GSN: variants seen among roughly 807,000 people sequenced by gnomAD.
The protein encoded by GSN is gelsolin, also known as actin-depolymerizing factor.
In GSN, 56 loss-of-function variants were observed where a neutral mutation model predicts 85.7. The ratio of observed to expected loss-of-function variants is 0.65; its 90% CI spans 0.53 to 0.82. The LOEUF (loss-of-function observed/expected upper bound fraction) is 0.82, where lower values mean the gene tolerates loss of function less well. Ranked by LOEUF, GSN falls within the 40% of genes least tolerant of loss-of-function variation. The pLI is 0.00. For missense variants in GSN, 857 were observed against 979.8 expected (o/e 0.87, Z 1.67); for synonymous variants, 373 against 399.1 (o/e 0.93, Z 0.78).
At chr9:121,230,356 A>G (rs1234893868) in intron 4 of GSN, among the ~76,000 whole-genome samples, 1 of 152,246 alleles carries the variant, frequency 6.6e-6, no homozygotes, top group East Asian at 1.9e-4. Flanking sequence ...CTGGAAGGCC[A>G]GACAATCCTA....
At chr9:121,218,560 GGGAGGC>G in intron 4 of GSN, among the ~76,000 whole-genome samples, 1 of 152,312 alleles carries the variant, frequency 6.6e-6, no homozygotes, top group East Asian at 1.9e-4. Flanking sequence ...ACTTGAACTC[GGGAGGC>G]GGAGGTTGCA....
intron 4 of GSN, among the ~76,000 whole-genome samples, chr9:121,219,644 A>G (rs375766620): frequency 6.7e-4 from 102 of 152,274 alleles, no homozygotes; most frequent in African/African-American, 2.2e-3. Context: ...GGACCTCATT[A>G]TATGCTCATT....
At chr9:121,231,174 T>C (rs1253830229) in exon 5 of GSN, 7 of 152,148 alleles carry the variant, frequency 4.6e-5, no homozygotes, top group Admixed American at 2.6e-4. Flanking sequence ...GGTCACACTG[T>C]TTAGAAGGAG....
rs1170025009 is a variant in GSN at position 121,286,547 on chromosome 9, G to A, written c.-10+4985G>A. 1.2e-5 allele frequency: 17 copies of A among 1,426,124 alleles called. No homozygotes were observed. In the Admixed American group the frequency reaches 4.6e-4, roughly 39 times the overall value. 88.3% of individuals were successfully genotyped at this position (1,426,124 alleles called of 1,614,324 possible). ...TTATCCTCCAAGGCTCTGCCCCAAT[G>A]CCCCTCCTCCGTGGCTCTGTTGGGC... On this transcript the variant is annotated intron_variant, in intron 2 of 17. Coordinates refer to ENST00000432226, the MANE Select transcript of GSN (RefSeq NM_198252.3).
intron 4 of GSN, among the ~76,000 whole-genome samples, chr9:121,213,143 G>A (rs887708641): frequency 3.9e-5 from 6 of 152,074 alleles, no homozygotes; most frequent in African/African-American, 1.4e-4. Context: ...CTCGATACCC[G>A]GCCTAAGTAT....
chr9:121,298,941 T>C (rs1201600344), intron 2 of GSN, among the ~76,000 whole-genome samples: 1 of 152,156 alleles, frequency 6.6e-6, no homozygotes, highest in Non-Finnish European at 1.5e-5. Flanking sequence ...GCAAACTCTG[T>C]CTTCCCCCAG....
chr9:121,282,619 C>T (rs1293061543), intron 2 of GSN: 19 of 824,302 alleles, frequency 2.3e-5, no homozygotes, highest in Admixed American at 8.2e-5. Flanking sequence ...AAAGGTCTGC[C>T]GGGCCCAGAA....
intron 10 of GSN, among the ~76,000 whole-genome samples, chr9:121,320,688 C>T (rs1367633953): frequency 6.6e-6 from 1 of 151,168 alleles, no homozygotes; most frequent in Non-Finnish European, 1.5e-5. Context: ...AGAATCCAGG[C>T]AGCTCAGTAA....
At chr9:121,213,562 C>G (rs2054005093) in intron 4 of GSN, among the ~76,000 whole-genome samples, 1 of 152,222 alleles carries the variant, frequency 6.6e-6, no homozygotes, top group Non-Finnish European at 1.5e-5. Context: ...AAGAAGTTTG[C>G]AGTCAGGTGG....
intron 5 of GSN, among the ~76,000 whole-genome samples, chr9:121,245,447 C>G (rs112702670): frequency 0.096 from 14,634 of 152,214 alleles, 867 homozygotes; most frequent in Middle Eastern, 0.14. Flanking sequence ...GCCTTGACCT[C>G]CTGGGCTCAA....
chr9:121,219,360 G>A (rs2054125841), intron 4 of GSN, among the ~76,000 whole-genome samples: 1 of 151,768 alleles, frequency 6.6e-6, no homozygotes, highest in South Asian at 2.1e-4. Context: ...GGCTTCCCAA[G>A]GTGTGGGATT....
intron 4 of GSN, among the ~76,000 whole-genome samples, chr9:121,230,912 G>T (rs761357796): frequency 6.6e-6 from 1 of 152,126 alleles, no homozygotes; most frequent in African/African-American, 2.4e-5. Context: ...TCCCACTCTC[G>T]TGAACTTCAT....
chr9:121,285,544 T>TAA, intron 2 of GSN: 1 of 166,260 alleles, frequency 6.0e-6, no homozygotes. Flanking sequence ...AAAATGAAAT[T>TAA]AAAAAAAAAT....
chr9:121,287,675 G>T (rs1258031447), intron 2 of GSN, among the ~76,000 whole-genome samples: 2 of 116,702 alleles, frequency 1.7e-5, no homozygotes, highest in East Asian at 2.9e-4. Flanking sequence ...CACAGGAAGC[G>T]TGTGGGCTTT....
intron 4 of GSN, among the ~76,000 whole-genome samples, chr9:121,227,691 G>T (rs1412383996): frequency 6.6e-6 from 1 of 152,186 alleles, no homozygotes; most frequent in Non-Finnish European, 1.5e-5. Context: ...ACTGCTTGGT[G>T]TGAGGGGAAA....
intron 1 of GSN, among the ~76,000 whole-genome samples, chr9:121,272,214 C>T (rs2056083073): frequency 6.6e-6 from 1 of 152,218 alleles, no homozygotes; most frequent in Non-Finnish European, 1.5e-5. Flanking sequence ...TCTGTCCCTC[C>T]CCTGCCATAT....
intron 5 of GSN, among the ~76,000 whole-genome samples, chr9:121,242,182 G>C (rs1039238706): frequency 6.6e-6 from 1 of 152,146 alleles, no homozygotes; most frequent in African/African-American, 2.4e-5. Context: ...CTGGAACCTA[G>C]TAAAAGCTCA....
intron 1 of GSN, among the ~76,000 whole-genome samples, chr9:121,268,790 C>T (rs965610987): frequency 6.6e-6 from 1 of 152,214 alleles, no homozygotes; most frequent in East Asian, 1.9e-4. Context: ...GTGTTCCCTT[C>T]CCTGACTCAC....
At chr9:121,202,455 T>G in the GSN span, among the ~76,000 whole-genome samples, 5 of 152,190 alleles carry the variant, frequency 3.3e-5, no homozygotes, top group African/African-American at 1.2e-4. Flanking sequence ...ATCACGCAGC[T>G]AGGAAGTGAC....
Sources: gnomAD v4.1 joint callset for allele counts (sites outside exome capture counted in the v4.1 genomes callset) on GRCh38, gnomAD v4.1.1 for gene constraint, MANE v1.5 for transcripts, NCBI Gene and HGNC (gene_info 2026-07-23, HGNC 2026-07-21) for gene names.